The following SMAP1 variants were observed in gnomAD, a reference collection of about 807,000 sequenced individuals.
SMAP1 encodes the protein small ArfGAP 1, also known as stromal membrane-associated protein 1.
Under a neutral mutation model 58.5 loss-of-function variants are expected in SMAP1, and 24 were observed. The observed-to-expected ratio is 0.41, with a 90% CI of 0.30 to 0.58. The LOEUF (loss-of-function observed/expected upper bound fraction) is 0.58. SMAP1 is among the 20% of genes least tolerant of loss of function. SMAP1 has a pLI of 0.29. For missense variants in SMAP1, 563 were observed against 566.3 expected (o/e 0.99, Z 0.06); for synonymous variants, 216 against 196.6 (o/e 1.10, Z -0.82).
chr6:70,759,699 ATTAG>A (rs1766667520), intron 3 of SMAP1: 2 of 272,902 alleles, frequency 7.3e-6, no homozygotes. Flanking sequence ...ATATTGCATT[ATTAG>A]TTCTGTTATC....
chr6:70,740,072 A>ATG (rs1765753574), intron 2 of SMAP1, among the ~76,000 whole-genome samples: 1 of 152,072 alleles, frequency 6.6e-6, no homozygotes, highest in Non-Finnish European at 1.5e-5. Flanking sequence ...AGTTTTCTAG[A>ATG]TGTGTCTTCA....
intron 6 of SMAP1, among the ~76,000 whole-genome samples, chr6:70,808,038 A>G (rs1769213127): frequency 6.6e-6 from 1 of 152,174 alleles, no homozygotes; most frequent in South Asian, 2.1e-4. Context: ...AAGAGAAAAT[A>G]TATTTACTAT....
Position 70,859,322 on chromosome 6 carries a change from C to A in SMAP1, c.1270-878C>A, listed in dbSNP as rs778705927. The A allele has an allele frequency of 7.1e-6, 11 of 1,545,242 alleles. 1 individual carries two copies. In the South Asian group the frequency reaches 1.3e-4, roughly 19 times the overall value. On this transcript the variant is annotated intron_variant, in intron 10 of 10. Coordinates refer to ENST00000370455, the MANE Select transcript of SMAP1 (RefSeq NM_001044305.3). The stretch of plus-strand genomic sequence containing the variant: ...AGGAAGGAGTTAATACTGGCTCTTA[C>A]TTCCAGATAATGCAGAAGGGTGATG...
chr6:70,680,038 C>A (rs139817155), intron 1 of SMAP1, among the ~76,000 whole-genome samples: 1 of 152,146 alleles, frequency 6.6e-6, no homozygotes, highest in East Asian at 1.9e-4. Context: ...AATAGACTCA[C>A]ATATTATGGT....
chr6:70,824,100 C>T (rs184633158), intron 6 of SMAP1, among the ~76,000 whole-genome samples: 1 of 152,246 alleles, frequency 6.6e-6, no homozygotes, highest in Admixed American at 6.5e-5. Flanking sequence ...ATCTGCCTGC[C>T]TGTCTCTCTT....
intron 6 of SMAP1, among the ~76,000 whole-genome samples, chr6:70,803,668 G>A (rs1424364900): frequency 6.6e-6 from 1 of 152,178 alleles, no homozygotes; most frequent in Admixed American, 6.5e-5. Context: ...TGCTTTAAAT[G>A]TGTCCCAGAT....
chr6:70,717,915 T>C (rs1768342003), intron 1 of SMAP1, among the ~76,000 whole-genome samples: 1 of 152,246 alleles, frequency 6.6e-6, no homozygotes, highest in Non-Finnish European at 1.5e-5. Flanking sequence ...GTTTATCTTA[T>C]ATATCTATTT....
Position 70,803,537 on chromosome 6 carries a change from CT to C in SMAP1, c.576+4804del, listed in dbSNP as rs374210214. ...TTAGTTATTTCTTGCCTTCTACTAGCTTTTGAATTTGTTTGCTCTTGCTTCT... is the reference window on the plus strand; with the variant it reads ...TTAGTTATTTCTTGCCTTCTACTAGCTTTGAATTTGTTTGCTCTTGCTTCT... On this transcript the variant is annotated intron_variant, in intron 6 of 10. Coordinates refer to ENST00000370455, the MANE Select transcript of SMAP1 (RefSeq NM_001044305.3). Among the ~76,000 whole-genome samples the C allele has an allele frequency of 2.3e-3, 356 of 152,246 alleles. 1 individual carries two copies. Among genetic ancestry groups the C allele is most frequent in the African/African-American group, 8.2e-3 (340 of 41,544 alleles).
intron 1 of SMAP1, among the ~76,000 whole-genome samples, chr6:70,699,958 T>C (rs1291365130): frequency 6.6e-6 from 1 of 151,794 alleles, no homozygotes; most frequent in Non-Finnish European, 1.5e-5. Flanking sequence ...TTTCCTTTCC[T>C]CAAGCAGAAG....
Position 70,729,459 on chromosome 6 carries a change from T to TTGTGTGTGTGTGTGTGTG in SMAP1, c.119-2901_119-2884dup, listed in dbSNP as rs35058846. Among the ~76,000 whole-genome samples the TTGTGTGTGTGTGTGTGTG allele has an allele frequency of 5.3e-3, 673 of 128,112 alleles. 6 individuals carry two copies. Among genetic ancestry groups the TTGTGTGTGTGTGTGTGTG allele is most frequent in the South Asian group, 0.012 (46 of 3,792 alleles). 84.0% of individuals were successfully genotyped at this position (128,112 alleles called of 152,430 possible). ...GTCTCAAAAAAAAAAAAAAAGAAGGTTGTGTGTGTGTGTGTGTGTGTGTGT... is the reference window on the plus strand; with the variant it reads ...GTCTCAAAAAAAAAAAAAAAGAAGGTTGTGTGTGTGTGTGTGTGTGTGTGTGTGTGTGTGTGTGTGTGT... On this transcript the variant is annotated intron_variant, in intron 1 of 10. Transcript: ENST00000370455.
At chr6:70,723,179 G>C (rs1293338596) in intron 1 of SMAP1, among the ~76,000 whole-genome samples, 2 of 152,054 alleles carry the variant, frequency 1.3e-5, no homozygotes, top group Non-Finnish European at 1.5e-5. Flanking sequence ...TATTGCTCAG[G>C]CTGGAGTGCA....
chr6:70,843,163 C>G (rs910015375), intron 7 of SMAP1, among the ~76,000 whole-genome samples: 2 of 151,446 alleles, frequency 1.3e-5, no homozygotes, highest in African/African-American at 2.4e-5. Context: ...CTCCCCCCCC[C>G]CTTTTTAAAA....
intron 1 of SMAP1, among the ~76,000 whole-genome samples, chr6:70,724,336 A>G (rs562320613): frequency 1.3e-5 from 2 of 152,222 alleles, no homozygotes; most frequent in Non-Finnish European, 2.9e-5. Flanking sequence ...AGCTGGGACT[A>G]CAGACGCCTG....
intron 2 of SMAP1, among the ~76,000 whole-genome samples, chr6:70,741,118 C>T (rs932499531): frequency 2.0e-4 from 31 of 152,240 alleles, no homozygotes; most frequent in Admixed American, 1.5e-3. Flanking sequence ...CACCCTTGGC[C>T]CCTCCCAAAT....
intron 5 of SMAP1, among the ~76,000 whole-genome samples, chr6:70,796,153 T>C (rs1338112544): frequency 6.6e-6 from 1 of 152,224 alleles, no homozygotes; most frequent in Non-Finnish European, 1.5e-5. Context: ...TATTCTTTAC[T>C]TATAAAATGG....
chr6:70,705,273 A>G (rs1428454815), intron 1 of SMAP1, among the ~76,000 whole-genome samples: 5 of 147,606 alleles, frequency 3.4e-5, no homozygotes, highest in Non-Finnish European at 3.0e-5. Context: ...TTTTTTTAAG[A>G]CAGAGTCTTG....
intron 1 of SMAP1, among the ~76,000 whole-genome samples, chr6:70,674,741 A>C (rs1429000784): frequency 6.6e-6 from 1 of 152,228 alleles, no homozygotes; most frequent in African/African-American, 2.4e-5. Flanking sequence ...TGGGAGGCTG[A>C]GGCAGGTGGA....
intron 7 of SMAP1, among the ~76,000 whole-genome samples, chr6:70,848,727 A>G (rs1217584636): frequency 6.6e-6 from 1 of 152,254 alleles, no homozygotes; most frequent in Non-Finnish European, 1.5e-5. Context: ...AATGATGGTA[A>G]TGATAACGAG....
At chr6:70,688,955 A>T (rs1767044045) in intron 1 of SMAP1, among the ~76,000 whole-genome samples, 1 of 152,028 alleles carries the variant, frequency 6.6e-6, no homozygotes, top group African/African-American at 2.4e-5. Flanking sequence ...TTTATATATG[A>T]TACAAGGTAT....
Sources: allele counts gnomAD v4.1 joint callset (sites outside exome capture counted in the v4.1 genomes callset), GRCh38; gene constraint gnomAD v4.1.1; transcripts MANE v1.5; gene names NCBI Gene and HGNC (gene_info 2026-07-23, HGNC 2026-07-21).